Variants in PRKCE observed in about 807,000 individuals in gnomAD.
The protein encoded by PRKCE is protein kinase C epsilon, also known as protein kinase C epsilon type.
A neutral mutation model predicts 85.4 loss-of-function variants in PRKCE; 16 were observed. The observed-to-expected ratio is 0.19, with a 90% confidence interval of 0.13 to 0.28. The LOEUF (loss-of-function observed/expected upper bound fraction) is 0.28, where lower values mean the gene tolerates loss of function less well. Ranked by LOEUF, PRKCE falls within the 10% of genes least tolerant of loss-of-function variation. The pLI, the probability that PRKCE is intolerant of heterozygous loss-of-function variation, is 1.00. For synonymous variants in PRKCE, 388 were observed against 371.5 expected (o/e 1.04, Z -0.51); for missense variants, 573 against 975.2 (o/e 0.59, Z 5.49).
chr2:45,735,648 T>C (rs2104590492), intron 1 of PRKCE, among the ~76,000 whole-genome samples: 1 of 152,256 alleles, frequency 6.6e-6, no homozygotes. Flanking sequence ...CTCAGGGAGA[T>C]GGGAAGTGGC....
At chr2:45,678,874 C>G (rs1676672795) in intron 1 of PRKCE, among the ~76,000 whole-genome samples, 1 of 152,114 alleles carries the variant, frequency 6.6e-6, no homozygotes, top group Non-Finnish European at 1.5e-5. Flanking sequence ...TGTTTCCATT[C>G]CATTAACTTC....
chr2:46,043,641 A>C (rs896419157), intron 10 of PRKCE, among the ~76,000 whole-genome samples: 1 of 152,174 alleles, frequency 6.6e-6, no homozygotes, highest in African/African-American at 2.4e-5. Context: ...TAGAGGTGGA[A>C]GGGGAGATGG....
intron 1 of PRKCE, among the ~76,000 whole-genome samples, chr2:45,724,820 G>A (rs1680918288): frequency 6.6e-6 from 1 of 152,170 alleles, no homozygotes; most frequent in African/African-American, 2.4e-5. Context: ...AGCTGCAGAA[G>A]AAAAATTGTA....
intron 1 of PRKCE, among the ~76,000 whole-genome samples, chr2:45,818,392 T>C (rs1395483682): frequency 6.6e-6 from 1 of 152,126 alleles, no homozygotes; most frequent in Non-Finnish European, 1.5e-5. Context: ...AAGGATAACA[T>C]TTATGAGATC....
rs70937991 is a variant in PRKCE at position 46,123,214 on chromosome 2, C to CTTTTTTTTTT, written c.1593-21859_1593-21850dup. On this transcript the variant is annotated intron_variant, in intron 11 of 14. Transcript: ENST00000306156. ...AAGCTTTACAAAGGAAAACACTTGC[C>CTTTTTTTTTT]TTTTTTTTTTTTTTTTTTTTTTTTT... 6.5e-3 allele frequency among the ~76,000 whole-genome samples: 178 copies of CTTTTTTTTTT among 27,370 alleles called. 49 individuals are homozygous for CTTTTTTTTTT. Among genetic ancestry groups the CTTTTTTTTTT allele is most frequent in the South Asian group, 8.3e-3 (3 of 360 alleles). 18.0% of individuals were successfully genotyped at this position (27,370 alleles called of 152,430 possible). A position where few individuals can be genotyped will look rare whatever the true frequency, so the allele number is the denominator to read the frequency against.
rs980286443 is a variant in PRKCE at position 46,041,593 on chromosome 2, A to G, written c.1437+31076A>G. On this transcript the variant is annotated intron_variant, in intron 10 of 14. Transcript: ENST00000306156. The surrounding 1 kb of genome is among the most constrained non-coding windows in gnomAD (Gnocchi z 5.5). ...ACAAGTATTGGCCCAAGTAACCCAC[A>G]AGGCAGTGATCTGGATCTGTTTACC... 6.6e-6 allele frequency among the ~76,000 whole-genome samples: 1 copy of G among 152,210 alleles called. No homozygotes were observed. The highest frequency in any genetic ancestry group is 2.4e-5 in the African/African-American group (1 of 41,454).
chr2:45,761,996 G>A (rs1233960715), intron 1 of PRKCE, among the ~76,000 whole-genome samples: 2 of 152,132 alleles, frequency 1.3e-5, no homozygotes, highest in East Asian at 3.9e-4. Flanking sequence ...ATTGATGAGG[G>A]GTCCCTCCCA....
chr2:45,923,441 A>G (rs1698400083), intron 2 of PRKCE, among the ~76,000 whole-genome samples: 1 of 152,192 alleles, frequency 6.6e-6, no homozygotes, highest in Non-Finnish European at 1.5e-5. Context: ...CCTACAAGGA[A>G]GAAATGCCAA....
chr2:45,721,950 C>G (rs1680659245), intron 1 of PRKCE, among the ~76,000 whole-genome samples: 1 of 150,218 alleles, frequency 6.7e-6, no homozygotes, highest in African/African-American at 2.4e-5. Context: ...GCTTTTCAAA[C>G]TTTTGGGTCT....
chr2:45,708,942 G>A (rs1390451598), intron 1 of PRKCE, among the ~76,000 whole-genome samples: 1 of 152,222 alleles, frequency 6.6e-6, no homozygotes, highest in East Asian at 1.9e-4. Context: ...CTCCTGTGTG[G>A]ATAGTAGCAC....
In PRKCE at chr2:45,786,028, T is replaced by TA. The variant is rs903578327; in HGVS notation, c.349-56971dup. 6.6e-6 allele frequency among the ~76,000 whole-genome samples: 1 copy of TA among 152,152 alleles called. No individual in the cohort carries two copies. Among genetic ancestry groups the TA allele is most frequent in the Non-Finnish European group, 1.5e-5 (1 of 68,026 alleles). Reference sequence around the variant, plus strand: ...GCTGCCTCAGCGCTGCTGAGGGGTCTAGAGTCTCACAGCCCTGCTGGGTCA... The same window carrying TA: ...GCTGCCTCAGCGCTGCTGAGGGGTCTAAGAGTCTCACAGCCCTGCTGGGTCA... On this transcript the variant is annotated intron_variant, in intron 1 of 14. Transcript: ENST00000306156. This position sits in a 1 kb window ranked among gnomAD's most constrained non-coding sequence, Gnocchi z 5.3.
chr2:46,137,023 C>T (rs1675070770), intron 11 of PRKCE, among the ~76,000 whole-genome samples: 1 of 152,178 alleles, frequency 6.6e-6, no homozygotes, highest in Non-Finnish European at 1.5e-5. Flanking sequence ...CTTGCACTGG[C>T]AGGGAATGTG....
In PRKCE at chr2:45,668,916, G is replaced by A. The variant is rs149336809; in HGVS notation, c.348+16468G>A. Among the ~76,000 whole-genome samples, 14 of 152,278 alleles carry A rather than the reference G, an allele frequency of 9.2e-5. No homozygotes were observed. In the East Asian group the frequency reaches 2.7e-3, roughly 29 times the overall value. On this transcript the variant is annotated intron_variant, in intron 1 of 14. Transcript: ENST00000306156. The stretch of plus-strand genomic sequence containing the variant: ...CAAATGGAGAAACCGAGGATAAAGG[G>A]TGCCTCTTGGTAGGGACTAGAATGG...
intron 11 of PRKCE, among the ~76,000 whole-genome samples, chr2:46,112,359 T>G (rs1010470987): frequency 6.6e-6 from 1 of 152,230 alleles, no homozygotes; most frequent in African/African-American, 2.4e-5. Flanking sequence ...GTTTGCTTGC[T>G]TGTTTTGCTT....
intron 10 of PRKCE, among the ~76,000 whole-genome samples, chr2:46,074,429 C>CAAAAAAAAAAAAAAAAAAA (rs11287357): frequency 3.5e-4 from 33 of 93,778 alleles, no homozygotes; most frequent in East Asian, 5.6e-4. Flanking sequence ...CAACAACAAC[C>CAAAAAAAAAAAAAAAAAAA]AAAAAAAAAA....
intron 1 of PRKCE, among the ~76,000 whole-genome samples, chr2:45,836,618 G>A (rs1690899147): frequency 6.6e-6 from 1 of 152,190 alleles, no homozygotes; most frequent in African/African-American, 2.4e-5. Flanking sequence ...GTGCCTCCAG[G>A]GGAGAGGGGG....
chr2:46,182,106 C>G (rs928327512), intron 14 of PRKCE, among the ~76,000 whole-genome samples: 1 of 152,190 alleles, frequency 6.6e-6, no homozygotes, highest in Non-Finnish European at 1.5e-5. Flanking sequence ...TCCAGCTCCC[C>G]CGGCGTGGAT....
chr2:46,184,931 A>G lies in PRKCE; in HGVS notation c.*50A>G. ...CGATGCTGCAAGAAGGGGTGCAGAG[A>G]AGACTCCTGTGTTGGAGACACTCAG... is the stretch of plus-strand genomic sequence containing the variant. On this transcript the variant is annotated 3_prime_UTR_variant, in exon 15 of 15. Transcript: ENST00000306156. The surrounding 1 kb of genome is among the most constrained non-coding windows in gnomAD (Gnocchi z 5.0). The G allele has an allele frequency of 6.3e-7, 1 of 1,595,198 alleles. No individual in the cohort carries two copies.
chr2:45,739,724 C>G (rs1305835615), intron 1 of PRKCE, among the ~76,000 whole-genome samples: 1 of 151,950 alleles, frequency 6.6e-6, no homozygotes, highest in African/African-American at 2.4e-5. Flanking sequence ...CAAAGGGGCC[C>G]AGGGAATTTT....
Sources: gnomAD v4.1 joint callset for allele counts (sites outside exome capture counted in the v4.1 genomes callset) on GRCh38, gnomAD v4.1.1 for gene constraint, Gnocchi (gnomAD v3.1) non-coding constraint, MANE v1.5 for transcripts, NCBI Gene and HGNC (gene_info 2026-07-23, HGNC 2026-07-21) for gene names.